The following UPRT variants were observed in gnomAD, a reference collection of about 807,000 sequenced individuals.
UPRT encodes the protein uracil phosphoribosyltransferase homolog, also known as RP11-311P8.3.
In UPRT, 5 loss-of-function variants were observed where a neutral mutation model predicts 22.6. The ratio of observed to expected loss-of-function variants is 0.22; its 90% CI spans 0.12 to 0.47. The LOEUF is 0.47. Among genes scored for constraint, UPRT ranks in the 20% least tolerant of loss-of-function variants. The pLI is 0.99. For missense variants in UPRT, 181 were observed against 239.9 expected (o/e 0.75, Z 1.62); for synonymous variants, 77 against 87.7 (o/e 0.88, Z 0.68).
chrX:75,203,543 C>T (rs1480173819), intron 4 of UPRT, among the ~76,000 whole-genome samples: 1 of 108,944 alleles, frequency 9.2e-6, no homozygotes, highest in Non-Finnish European at 1.9e-5. Flanking sequence ...CACACACACA[C>T]GGTAGCTTAA....
At chrX:75,248,849 C>A (rs928237929) in intron 4 of UPRT, among the ~76,000 whole-genome samples, 7 of 111,958 alleles carry the variant, frequency 6.3e-5, no homozygotes, top group Non-Finnish European at 7.5e-5. Flanking sequence ...CATCAGACTA[C>A]CAGCTGATCT....
chrX:75,276,287 T>A (rs1212128476), intron 1 of UPRT, among the ~76,000 whole-genome samples: 2 of 112,176 alleles, frequency 1.8e-5, no homozygotes, highest in Non-Finnish European at 3.8e-5. Flanking sequence ...ATCCTGCCTA[T>A]GACATCTTGA....
intron 4 of UPRT, among the ~76,000 whole-genome samples, chrX:75,183,132 C>A (rs968856111): frequency 1.8e-5 from 2 of 110,749 alleles, no homozygotes; most frequent in African/African-American, 6.6e-5. Context: ...ATTAACTCAT[C>A]ATTTACATTA....
intron 4 of UPRT, among the ~76,000 whole-genome samples, chrX:75,228,114 C>T (rs775055204): frequency 9.0e-6 from 1 of 110,935 alleles, no homozygotes; most frequent in African/African-American, 3.3e-5. Context: ...CTGAGAGGGA[C>T]TAAAAGAAGC....
intron 4 of UPRT, among the ~76,000 whole-genome samples, chrX:75,216,636 T>A (rs1399372748): frequency 8.9e-6 from 1 of 112,649 alleles, no homozygotes; most frequent in Admixed American, 9.4e-5. Flanking sequence ...TTTTTAAGGT[T>A]TTGAGAAACA....
intron 4 of UPRT, among the ~76,000 whole-genome samples, chrX:75,248,473 A>G (rs940479233): frequency 5.4e-5 from 6 of 112,021 alleles, no homozygotes; most frequent in Non-Finnish European, 1.1e-4. Flanking sequence ...TGGAAGACAA[A>G]ATGAATGAAA....
chrX:75,183,027 TTTA>T (rs1350899378), intron 4 of UPRT, among the ~76,000 whole-genome samples: 4 of 110,826 alleles, frequency 3.6e-5, no homozygotes, highest in Non-Finnish European at 7.6e-5. Context: ...ATTTTATTTT[TTTA>T]TTATTATTAT....
intron 1 of UPRT, among the ~76,000 whole-genome samples, chrX:75,281,357 T>G (rs2082655949): frequency 9.0e-6 from 1 of 111,676 alleles, no homozygotes; most frequent in African/African-American, 3.3e-5. Flanking sequence ...TTAGAGTGAA[T>G]GCTTTGAACT....
chrX:75,267,909 T>A (rs1157422147), intron 4 of UPRT, among the ~76,000 whole-genome samples: 2 of 109,906 alleles, frequency 1.8e-5, no homozygotes, highest in African/African-American at 6.6e-5. Context: ...ATAACTAAGA[T>A]CAGAGCAATA....
intron 4 of UPRT, among the ~76,000 whole-genome samples, chrX:75,171,151 T>C (rs2082226218): frequency 9.0e-6 from 1 of 111,648 alleles, no homozygotes; most frequent in Admixed American, 9.5e-5. Context: ...TCCTCAATTA[T>C]TCCCCCAAAT....
rs973244875 is a variant in UPRT at position 75,209,103 on chromosome X, C to T, written c.-447+41224C>T. Among the ~76,000 whole-genome samples the T allele has an allele frequency of 2.8e-4, 31 of 111,597 alleles. 1 individual carries two copies. Among genetic ancestry groups the T allele is most frequent in the African/African-American group, 9.8e-4 (30 of 30,625 alleles). On this transcript the variant is annotated intron_variant, in intron 4 of 13. Transcript: ENST00000652605. ...ATAGGTTGCATAATAGAGGACCAGT[C>T]TATTTGTGCCTAGAGGGGAGTTTAT...
intron 4 of UPRT, among the ~76,000 whole-genome samples, chrX:75,180,681 G>GTTTTTTCTTTTTCT (rs2082266159): frequency 2.3e-5 from 1 of 43,895 alleles, no homozygotes; most frequent in Non-Finnish European, 3.8e-5. Context: ...CCTTTTCTCT[G>GTTTTTTCTTTTTCT]TTTTTTTTTT....
chrX:75,229,534 A>T (rs1390929257), intron 4 of UPRT, among the ~76,000 whole-genome samples: 2 of 112,094 alleles, frequency 1.8e-5, no homozygotes, highest in East Asian at 2.8e-4. Context: ...GACAGCTGAA[A>T]AACTGAGTTC....
intron 1 of UPRT, among the ~76,000 whole-genome samples, chrX:75,277,400 G>A (rs770881644): frequency 2.7e-5 from 3 of 110,887 alleles, no homozygotes; most frequent in African/African-American, 6.5e-5. Context: ...CTGGGTGTAA[G>A]TGGAATCCTT....
At chrX:75,234,465 C>A (rs1184356513) in intron 4 of UPRT, among the ~76,000 whole-genome samples, 1 of 111,638 alleles carries the variant, frequency 9.0e-6, no homozygotes, top group Non-Finnish European at 1.9e-5. Context: ...CACTCTACCC[C>A]AAATCAACAG....
intron 4 of UPRT, among the ~76,000 whole-genome samples, chrX:75,261,842 C>A (rs1384156487): frequency 9.0e-6 from 1 of 111,604 alleles, no homozygotes; most frequent in Admixed American, 9.6e-5. Context: ...TGGGCTTCAT[C>A]CCTGGGATGC....
At chrX:75,162,149 A>C (rs1448123113) in intron 2 of UPRT, among the ~76,000 whole-genome samples, 1 of 91,435 alleles carries the variant, frequency 1.1e-5, no homozygotes, top group African/African-American at 4.2e-5. Context: ...CGGGGGTCTT[A>C]CCATGTTGGT....
chrX:75,208,681 G>A (rs915738625), intron 4 of UPRT, among the ~76,000 whole-genome samples: 2 of 111,464 alleles, frequency 1.8e-5, no homozygotes, highest in African/African-American at 3.3e-5. Flanking sequence ...CACGATAGGG[G>A]TGTTGTGGGA....
intron 4 of UPRT, among the ~76,000 whole-genome samples, chrX:75,251,106 T>C (rs1050181898): frequency 1.8e-5 from 2 of 111,301 alleles, no homozygotes; most frequent in Admixed American, 1.9e-4. Flanking sequence ...GCCAATATCA[T>C]ACTAAATGGA....
Sources: gnomAD v4.1 joint callset for allele counts (sites outside exome capture counted in the v4.1 genomes callset) on GRCh38, gnomAD v4.1.1 for gene constraint, MANE v1.5 for transcripts, NCBI Gene and HGNC (gene_info 2026-07-23, HGNC 2026-07-21) for gene names.